RSPH10B2: variants seen among roughly 807,000 people sequenced by gnomAD.
The protein encoded by RSPH10B2 is radial spoke head 10 homolog B2 (Chlamydomonas).
A neutral mutation model predicts 49.0 loss-of-function variants in RSPH10B2; 9 were observed. That is an observed-to-expected ratio of 0.18 (90% confidence interval 0.11 to 0.32). RSPH10B2 has a LOEUF of 0.32. RSPH10B2 is among the 10% of genes least tolerant of loss of function. The probability of loss-of-function intolerance (pLI) is 1.00; values close to 1 mark genes in which losing one functional copy is unlikely to be tolerated. For missense variants in RSPH10B2, 95 were observed against 589.9 expected (o/e 0.16, Z 8.69); for synonymous variants, 35 against 210.2 (o/e 0.17, Z 7.21).
intron 17 of RSPH10B2, chr7:6,794,376 A>C (rs1437594935): frequency 6.6e-6 from 1 of 150,588 alleles, no homozygotes; most frequent in African/African-American, 2.4e-5. Context: ...AGCTTCTTGA[A>C]ATACTCTTCA....
chr7:6,781,018 T>G (rs1454762829), intron 12 of RSPH10B2, 130 bp downstream of exon 14: 2 of 1,119,666 alleles, frequency 1.8e-6, no homozygotes, highest in African/African-American at 3.9e-5. Flanking sequence ...GAGGATCACC[T>G]GAGGTCAAGG....
At chr7:6,763,758 C>T (rs537720025) in intron 3 of RSPH10B2, among the ~76,000 whole-genome samples, 170 bp from the exon 6 acceptor site, 4 of 146,032 alleles carry the variant, frequency 2.7e-5, no homozygotes, top group African/African-American at 1.0e-4. Flanking sequence ...GCGATGAGAG[C>T]AGACAAGGAA....
chr7:6,756,141 G>A (rs1231737582), upstream of RSPH10B2, among the ~76,000 whole-genome samples: 6 of 146,652 alleles, frequency 4.1e-5, no homozygotes, highest in South Asian at 2.2e-4. Context: ...GTGGTGGTGG[G>A]TGCCTGTAGT....
At chr7:6,756,193 C>T (rs1781079235), upstream of RSPH10B2, among the ~76,000 whole-genome samples, 1 of 141,952 alleles carries the variant, frequency 7.0e-6, no homozygotes, top group Admixed American at 6.9e-5. Flanking sequence ...TGGCATGAAC[C>T]CGGGAGGTGG....
intron 13 of RSPH10B2, among the ~76,000 whole-genome samples, chr7:6,782,074 T>G (rs1345194693): frequency 9.1e-6 from 1 of 109,638 alleles, no homozygotes; most frequent in Non-Finnish European, 1.8e-5. Flanking sequence ...CCACCACACC[T>G]GGCTAATTTT....
intron 17 of RSPH10B2, among the ~76,000 whole-genome samples, chr7:6,793,567 C>T (rs1488509042): frequency 1.6e-5 from 2 of 124,780 alleles, no homozygotes; most frequent in East Asian, 4.9e-4. Flanking sequence ...TTCTCTTGGC[C>T]GGGCATGGTG....
intron 10 of RSPH10B2, among the ~76,000 whole-genome samples, chr7:6,776,873 T>TCTCACA (rs1460063586): frequency 2.6e-4 from 29 of 111,078 alleles, no homozygotes; most frequent in African/African-American, 9.9e-4. Context: ...CGAGACTCCA[T>TCTCACA]CACACACACA....
chr7:6,769,754 CTTTTTTTTTTTT>C (rs911131827), intron 7 of RSPH10B2, among the ~76,000 whole-genome samples: 1 of 76,650 alleles, frequency 1.3e-5, no homozygotes, highest in South Asian at 3.5e-4. Flanking sequence ...ACGCCCGGCT[CTTTTTTTTTTTT>C]TTTTTTTTTT....
chr7:6,783,844 T>A (rs529256844), intron 13 of RSPH10B2, among the ~76,000 whole-genome samples: 473 of 142,088 alleles, frequency 3.3e-3, no homozygotes, highest in Admixed American at 4.8e-3. Flanking sequence ...TAATAATTAT[T>A]ATTATTATTA....
rs1554256008 is a variant in RSPH10B2 at position 6,781,869 on chromosome 7, A to AATAT, written c.1758+405_1758+408dup. On this transcript the variant is annotated intron_variant, in intron 13 of 18. Transcript: ENST00000297186. Reference sequence around the variant, plus strand: ...TATGCCATGGGCCATTGTCTTAAAAAATATATATATATATAAATATATATA... The same window carrying AATAT: ...TATGCCATGGGCCATTGTCTTAAAAAATATATATATATATATATAAATATATATA... Among the ~76,000 whole-genome samples, 12 of 99,270 alleles carry AATAT rather than the reference A, an allele frequency of 1.2e-4. 3 individuals are homozygous for AATAT. The highest frequency in any genetic ancestry group is 4.3e-4 in the African/African-American group (11 of 25,406). The allele number at this position is 99,270 out of a possible 152,430, so 65.1% of individuals were successfully genotyped here.
intron 6 of RSPH10B2, among the ~76,000 whole-genome samples, chr7:6,768,024 T>G (rs2115423788): frequency 6.7e-6 from 1 of 148,450 alleles, no homozygotes; most frequent in East Asian, 2.0e-4. Flanking sequence ...AAACCCCATC[T>G]CTACTAAAAA....
At chr7:6,774,488 T>C in intron 9 of RSPH10B2, among the ~76,000 whole-genome samples, 1 of 91,192 alleles carries the variant, frequency 1.1e-5, no homozygotes, top group Middle Eastern at 4.4e-3. Flanking sequence ...GAATATTGCT[T>C]CTTTCAGACT....
At chr7:6,768,598 T>C (rs1272852746) in exon 7 of RSPH10B2, 1 of 308,402 alleles carries the variant, frequency 3.2e-6, no homozygotes, top group East Asian at 6.7e-5. Flanking sequence ...AGAATGGCTT[T>C]GGAACACACA....
At chr7:6,796,301 G>A (rs1373206959) in intron 17 of RSPH10B2, among the ~76,000 whole-genome samples, 1 of 126,298 alleles carries the variant, frequency 7.9e-6, no homozygotes, top group Non-Finnish European at 1.7e-5. Context: ...GTGACAGAGT[G>A]AGACTCTGTC....
intron 6 of RSPH10B2, 91 bp downstream of exon 8, chr7:6,766,968 G>C: frequency 8.3e-7 from 1 of 1,205,442 alleles, no homozygotes; most frequent in South Asian, 1.8e-5. Flanking sequence ...TTTTGTTTTT[G>C]TTTTTGTTTT....
chr7:6,781,013 TC>T, intron 12 of RSPH10B2, 125 bp downstream of exon 14: 1 of 1,124,844 alleles, frequency 8.9e-7, no homozygotes, highest in Non-Finnish European at 1.2e-6. Context: ...GGCAGGAGGA[TC>T]ACCTGAGGTC....
chr7:6,768,218 C>A (rs545244695), intron 6 of RSPH10B2, among the ~76,000 whole-genome samples: 398 of 152,016 alleles, frequency 2.6e-3, no homozygotes, highest in Non-Finnish European at 3.6e-3. Flanking sequence ...TAAACCCCAA[C>A]ATTTAAAATA....
In RSPH10B2 at chr7:6,781,553, G is replaced by A. The variant is rs1288487246; in HGVS notation, c.1758+77G>A. ...AATTAAAGAAAGGCAGGATATTCCA[G>A]CTGTGATATGCAAATTATCAGGTGA... On this transcript the variant is annotated intron_variant, in intron 13 of 18. Coordinates refer to ENST00000297186, the Ensembl canonical transcript of RSPH10B2. 6.5e-6 allele frequency: 8 copies of A among 1,233,022 alleles called. 2 individuals are homozygous for A. Among genetic ancestry groups the A allele is most frequent in the Non-Finnish European group, 8.4e-6 (8 of 952,448 alleles). 76.4% of individuals were successfully genotyped at this position (1,233,022 alleles called of 1,614,324 possible).
chr7:6,780,308 T>G lies in RSPH10B2; in HGVS notation c.1530-501T>G, dbSNP rs1271661273. ...AGAAACAAATAGTCACAACCAAGTC[T>G]TCTTTCTTACATCAGAATTTCTTGT... On this transcript the variant is annotated intron_variant, in intron 11 of 18. Transcript: ENST00000297186. 1.1e-4 allele frequency among the ~76,000 whole-genome samples: 14 copies of G among 126,262 alleles called. 4 individuals carry two copies. The highest frequency in any genetic ancestry group is 3.7e-4 in the African/African-American group (13 of 35,138). 82.8% of individuals were successfully genotyped at this position (126,262 alleles called of 152,430 possible).
Sources: allele counts gnomAD v4.1 joint callset (sites outside exome capture counted in the v4.1 genomes callset), GRCh38; gene constraint gnomAD v4.1.1; transcripts MANE v1.5; gene names NCBI Gene and HGNC (gene_info 2026-07-23, HGNC 2026-07-21).